Variants in CDC42BPA observed in about 807,000 individuals in gnomAD.
CDC42BPA encodes the protein CDC42 binding protein kinase alpha.
CDC42BPA carries 80 observed loss-of-function variants against 223.5 expected under a neutral mutation model. That is an observed-to-expected ratio of 0.36 (90% confidence interval 0.30 to 0.43). The LOEUF is 0.43. Among genes scored for constraint, CDC42BPA ranks in the 20% least tolerant of loss-of-function variants. CDC42BPA has a pLI of 1.00. For synonymous variants in CDC42BPA, 694 were observed against 718.6 expected (o/e 0.97, Z 0.55); for missense variants, 1,743 against 2,099.9 (o/e 0.83, Z 3.32).
chr1:227,264,639 A>G, intron 1 of CDC42BPA: 1 of 517,274 alleles, frequency 1.9e-6, no homozygotes, highest in Non-Finnish European at 3.4e-6. Context: ...TACATTAATT[A>G]ATGTTGCCCT....
intron 1 of CDC42BPA, among the ~76,000 whole-genome samples, chr1:227,256,936 T>TACACACACACAC (rs1354956767): frequency 2.1e-4 from 20 of 93,272 alleles, no homozygotes; most frequent in South Asian, 3.2e-4. Context: ...CAAAATGTGA[T>TACACACACACAC]ATATATATAC....
At chr1:227,237,677 T>C (rs1679298995) in intron 2 of CDC42BPA, among the ~76,000 whole-genome samples, 1 of 152,208 alleles carries the variant, frequency 6.6e-6, no homozygotes, top group South Asian at 2.1e-4. Flanking sequence ...CTGGAATATG[T>C]AAGAGTTTTA....
chr1:227,192,342 C>T (rs565304909), intron 5 of CDC42BPA, among the ~76,000 whole-genome samples: 3 of 152,256 alleles, frequency 2.0e-5, no homozygotes, highest in African/African-American at 7.2e-5. Flanking sequence ...CCAGCAGCAG[C>T]ATCACCACCT....
chr1:227,080,791 A>G, intron 17 of CDC42BPA, 102 bp downstream of exon 17: 8 of 1,293,690 alleles, frequency 6.2e-6, no homozygotes, highest in Non-Finnish European at 6.6e-6. Context: ...ATCACATCTG[A>G]CAAATGAGAT....
intron 5 of CDC42BPA, among the ~76,000 whole-genome samples, chr1:227,160,929 T>C (rs1006550244): frequency 5.9e-5 from 9 of 152,238 alleles, no homozygotes; most frequent in African/African-American, 1.9e-4. Context: ...AATGTGACTA[T>C]GGTAGACCTA....
chr1:227,058,523 T>C (rs1675070011), intron 21 of CDC42BPA, among the ~76,000 whole-genome samples: 1 of 152,214 alleles, frequency 6.6e-6, no homozygotes, highest in African/African-American at 2.4e-5. Flanking sequence ...TGTTACTATT[T>C]TACATAGTAT....
intron 10 of CDC42BPA, among the ~76,000 whole-genome samples, chr1:227,132,047 G>A (rs1657215957): frequency 1.4e-5 from 2 of 138,064 alleles, no homozygotes; most frequent in South Asian, 4.3e-4. Context: ...CTCAGAGTGT[G>A]AAACTCTCTC....
At position 227,078,630 on chromosome 1, in the gene CDC42BPA, A is replaced by C. The variant is rs535255215; in HGVS notation, c.2480+2263T>G. On this transcript the variant is annotated intron_variant, in intron 17 of 36. Transcript: ENST00000366766. ...TTGCTCTAAAAGAGTTTCTGATGAAAGGGATATTTCATAGCAAAAGAGAGA... is the reference window on the plus strand; with the variant it reads ...TTGCTCTAAAAGAGTTTCTGATGAACGGGATATTTCATAGCAAAAGAGAGA... Among the ~76,000 whole-genome samples the C allele has an allele frequency of 2.6e-5, 4 of 152,208 alleles. No individual in the cohort carries two copies. In the South Asian group the frequency reaches 8.3e-4, roughly 32 times the overall value.
chr1:227,295,073 A>G (rs1690434933), intron 1 of CDC42BPA, among the ~76,000 whole-genome samples: 1 of 152,126 alleles, frequency 6.6e-6, no homozygotes, highest in Non-Finnish European at 1.5e-5. Context: ...GCTTTTTAAA[A>G]AAATGTTGAG....
At chr1:227,172,662 A>G (rs1396333041) in intron 5 of CDC42BPA, among the ~76,000 whole-genome samples, 3 of 152,086 alleles carry the variant, frequency 2.0e-5, no homozygotes, top group African/African-American at 7.2e-5. Flanking sequence ...TAGGATAGAT[A>G]GTATAGTTGG....
intron 2 of CDC42BPA, among the ~76,000 whole-genome samples, chr1:227,250,615 G>A (rs1681814063): frequency 6.6e-6 from 1 of 151,460 alleles, no homozygotes; most frequent in Admixed American, 6.6e-5. Context: ...TATATTTTTT[G>A]AAACTGAAGT....
intron 2 of CDC42BPA, among the ~76,000 whole-genome samples, chr1:227,231,504 G>A (rs566669893): frequency 4.6e-5 from 7 of 152,036 alleles, no homozygotes; most frequent in Non-Finnish European, 7.4e-5. Context: ...GCCCAGTAAT[G>A]GGATGGCTGG....
At chr1:227,163,000 GTA>G (rs569387869) in intron 5 of CDC42BPA, among the ~76,000 whole-genome samples, 15 of 44,178 alleles carry the variant, frequency 3.4e-4, no homozygotes, top group South Asian at 7.9e-4. Flanking sequence ...CCAAACATGT[GTA>G]TGTTTCCAAA....
intron 21 of CDC42BPA, among the ~76,000 whole-genome samples, chr1:227,068,046 G>C (rs903869988): frequency 3.9e-5 from 6 of 151,926 alleles, no homozygotes; most frequent in Non-Finnish European, 8.8e-5. Context: ...GAATTCAGGA[G>C]AGAAAGTGAT....
intron 2 of CDC42BPA, among the ~76,000 whole-genome samples, chr1:227,236,714 C>T (rs1316931659): frequency 6.6e-6 from 1 of 152,114 alleles, no homozygotes; most frequent in Non-Finnish European, 1.5e-5. Flanking sequence ...CAGCCCTACC[C>T]GATCACAACC....
chr1:227,059,513 T>C, intron 21 of CDC42BPA: 1 of 1,048,442 alleles, frequency 9.5e-7, no homozygotes, highest in South Asian at 1.4e-5. Flanking sequence ...TAAACATACA[T>C]ATAAAGCCAC....
intron 17 of CDC42BPA, among the ~76,000 whole-genome samples, chr1:227,078,243 G>A (rs1679911919): frequency 6.6e-6 from 1 of 152,098 alleles, no homozygotes; most frequent in Non-Finnish European, 1.5e-5. Context: ...CAACTAGTCT[G>A]AGATAATTTT....
At chr1:227,124,361 G>GA (rs1689168354) in intron 11 of CDC42BPA, among the ~76,000 whole-genome samples, 1 of 152,112 alleles carries the variant, frequency 6.6e-6, no homozygotes, top group Non-Finnish European at 1.5e-5. Flanking sequence ...GTATCTGGAG[G>GA]AATGACAGAT....
intron 17 of CDC42BPA, among the ~76,000 whole-genome samples, chr1:227,077,026 T>C (rs919759929): frequency 1.3e-5 from 2 of 152,216 alleles, no homozygotes; most frequent in African/African-American, 4.8e-5. Context: ...CATTTAATCC[T>C]TCCCTTCCAA....
Sources: allele counts gnomAD v4.1 joint callset (sites outside exome capture counted in the v4.1 genomes callset), GRCh38; gene constraint gnomAD v4.1.1; transcripts MANE v1.5; gene names NCBI Gene and HGNC (gene_info 2026-07-23, HGNC 2026-07-21).